Variants in DPYD observed in about 807,000 individuals in gnomAD.
The protein encoded by DPYD is dihydropyrimidine dehydrogenase.
A neutral mutation model predicts 116.2 loss-of-function variants in DPYD; 109 were observed. That is an observed-to-expected ratio of 0.94 (90% CI 0.80 to 1.10). The LOEUF is 1.10. DPYD is among the 50% of genes least tolerant of loss of function. DPYD has a pLI of 0.00. For synonymous variants in DPYD, 440 were observed against 432.0 expected (o/e 1.02, Z -0.23); for missense variants, 1,302 against 1,254.5 (o/e 1.04, Z -0.57).
At chr1:97,172,610 G>T (rs1656812548) in intron 20 of DPYD, among the ~76,000 whole-genome samples, 1 of 152,126 alleles carries the variant, frequency 6.6e-6, no homozygotes, top group African/African-American at 2.4e-5. Flanking sequence ...AATGGAAGGT[G>T]CCAGGGTTGC....
intron 8 of DPYD, among the ~76,000 whole-genome samples, chr1:97,650,594 G>A (rs1055831135): frequency 5.3e-5 from 8 of 152,000 alleles, no homozygotes; most frequent in African/African-American, 1.9e-4. Flanking sequence ...ATCTGGAGAG[G>A]AGCTTGCTCA....
At chr1:97,511,597 T>C (rs1021005073) in intron 13 of DPYD, among the ~76,000 whole-genome samples, 3 of 151,984 alleles carry the variant, frequency 2.0e-5, no homozygotes, top group Admixed American at 2.0e-4. Context: ...CAGAACTATA[T>C]ATAAAACATG....
intron 19 of DPYD, among the ~76,000 whole-genome samples, chr1:97,211,532 G>T (rs951204077): frequency 6.6e-6 from 1 of 152,098 alleles, no homozygotes; most frequent in Admixed American, 6.6e-5. Flanking sequence ...TTATGACTGA[G>T]TTTCTCAGCA....
Position 97,699,400 on chromosome 1 carries a change from A to G in DPYD, c.631T>C (p.Tyr211His). Reference protein sequence around the residue: ...SCASFLARLGYSDITIFEKQE... With the variant: ...SCASFLARLGHSDITIFEKQE... Reference sequence around the variant, plus strand: ...TTTTCAAATATAGTGATGTCAGAGTACCCCAATCGAGCCAAAAAGGAAGCA... The same window carrying G: ...TTTTCAAATATAGTGATGTCAGAGTGCCCCAATCGAGCCAAAAAGGAAGCA... Residue 211 changes from tyrosine to histidine, a missense_variant, in exon 6 of 23, where the codon TAC becomes CAC. By Grantham distance (83) the Tyr-to-His change is moderately conservative (BLOSUM62 2). Coordinates refer to ENST00000370192, the MANE Select transcript of DPYD (RefSeq NM_000110.4). 6.2e-7 allele frequency: 1 copy of G among 1,613,680 alleles called. No individual in the cohort carries two copies. The highest frequency in any genetic ancestry group is 8.5e-7 in the Non-Finnish European group (1 of 1,179,704).
chr1:97,254,197 C>A (rs543802000), intron 18 of DPYD, among the ~76,000 whole-genome samples: 3 of 152,224 alleles, frequency 2.0e-5, no homozygotes, highest in Admixed American at 6.5e-5. Flanking sequence ...CCGTTTTTCA[C>A]AAACATTTTG....
intron 14 of DPYD, among the ~76,000 whole-genome samples, chr1:97,382,971 T>G (rs1289222218): frequency 6.6e-6 from 1 of 152,140 alleles, no homozygotes; most frequent in African/African-American, 2.4e-5. Flanking sequence ...GCATTATAGT[T>G]TTAAATTTTA....
At chr1:97,877,218 A>T (rs1467084979) in intron 2 of DPYD, among the ~76,000 whole-genome samples, 2 of 152,010 alleles carry the variant, frequency 1.3e-5, no homozygotes, top group African/African-American at 4.8e-5. Flanking sequence ...AAAGGGTTCT[A>T]ATGAATGAAA....
At chr1:97,455,526 A>G (rs1676634793) in intron 13 of DPYD, among the ~76,000 whole-genome samples, 1 of 151,948 alleles carries the variant, frequency 6.6e-6, no homozygotes, top group Non-Finnish European at 1.5e-5. Flanking sequence ...ATAACCATAC[A>G]TTATTTCACA....
chr1:97,511,272 T>C (rs925519899), intron 13 of DPYD, among the ~76,000 whole-genome samples: 1 of 152,006 alleles, frequency 6.6e-6, no homozygotes, highest in African/African-American at 2.4e-5. Context: ...AATGAAATAA[T>C]TTACAAAAAC....
intron 20 of DPYD, among the ~76,000 whole-genome samples, chr1:97,099,436 AC>A (rs1650502692): frequency 6.6e-6 from 1 of 152,092 alleles, no homozygotes. Flanking sequence ...TCAAGTTAAC[AC>A]GAAAATGCCC....
intron 20 of DPYD, among the ~76,000 whole-genome samples, chr1:97,113,822 T>C (rs1337132644): frequency 1.3e-5 from 2 of 152,108 alleles, no homozygotes; most frequent in African/African-American, 4.8e-5. Context: ...ACTAAAACTT[T>C]TTCACATTCA....
chr1:97,153,972 T>TAAAAAAAA, intron 20 of DPYD, among the ~76,000 whole-genome samples: 1 of 80,774 alleles, frequency 1.2e-5, no homozygotes. Context: ...ATGGCCATGA[T>TAAAAAAAA]CAAAAAAAAA....
intron 20 of DPYD, among the ~76,000 whole-genome samples, chr1:97,160,279 CT>C (rs1356865727): frequency 1.3e-5 from 2 of 151,978 alleles, no homozygotes; most frequent in Non-Finnish European, 2.9e-5. Context: ...ACTTTTCTTT[CT>C]TATCCTTTCA....
intron 18 of DPYD, among the ~76,000 whole-genome samples, chr1:97,271,336 T>C (rs1029844467): frequency 6.6e-6 from 1 of 151,820 alleles, no homozygotes; most frequent in African/African-American, 2.4e-5. Flanking sequence ...GGGAGAGAAA[T>C]AAAATAAAAT....
At chr1:97,119,825 A>T (rs1331546703) in intron 20 of DPYD, among the ~76,000 whole-genome samples, 2 of 152,150 alleles carry the variant, frequency 1.3e-5, no homozygotes, top group Non-Finnish European at 2.9e-5. Flanking sequence ...ATTTCAATTT[A>T]TTCGTGGTTA....
At chr1:97,212,812 G>C (rs1273656388) in intron 19 of DPYD, among the ~76,000 whole-genome samples, 1 of 151,928 alleles carries the variant, frequency 6.6e-6, no homozygotes, top group Non-Finnish European at 1.5e-5. Context: ...ACAGATTCTG[G>C]GCCAAATTGT....
At chr1:97,282,024 T>C (rs888863151) in intron 18 of DPYD, among the ~76,000 whole-genome samples, 2 of 152,154 alleles carry the variant, frequency 1.3e-5, no homozygotes, top group East Asian at 1.9e-4. Context: ...TAACTTTAAA[T>C]ATCTATCTCT....
At chr1:97,287,479 A>G (rs1665780447) in intron 18 of DPYD, among the ~76,000 whole-genome samples, 1 of 152,136 alleles carries the variant, frequency 6.6e-6, no homozygotes, top group South Asian at 2.1e-4. Context: ...GGGACATTTA[A>G]GTCTGCAGAG....
chr1:97,887,999 G>C (rs1296540960), intron 1 of DPYD, among the ~76,000 whole-genome samples: 1 of 152,032 alleles, frequency 6.6e-6, no homozygotes, highest in Non-Finnish European at 1.5e-5. Flanking sequence ...ATGCACAACT[G>C]TGAGTCAGTT....
Sources: gnomAD v4.1 joint callset for allele counts (sites outside exome capture counted in the v4.1 genomes callset) on GRCh38, gnomAD v4.1.1 for gene constraint, MANE v1.5 for transcripts, NCBI Gene and HGNC (gene_info 2026-07-23, HGNC 2026-07-21) for gene names.